The following LRRC28 variants were observed in gnomAD, a reference collection of about 807,000 sequenced individuals.
The protein encoded by LRRC28 is leucine rich repeat containing 28.
In LRRC28, 39 loss-of-function variants were observed where a neutral mutation model predicts 45.7. The ratio of observed to expected loss-of-function variants is 0.85; its 90% CI spans 0.66 to 1.12. LRRC28 has a LOEUF of 1.12. LRRC28 is among the 50% of genes most tolerant of loss of function. LRRC28 has a pLI of 0.00. For synonymous variants in LRRC28, 206 were observed against 178.8 expected (o/e 1.15, Z -1.22); for missense variants, 435 against 438.5 (o/e 0.99, Z 0.07).
Position 99,387,555 on chromosome 15 carries a change from G to A in LRRC28, c.*1453G>A, listed in dbSNP as rs1191304897. The A allele has an allele frequency of 6.6e-6, 1 of 152,182 alleles. No individual in the cohort carries two copies. The highest frequency in any genetic ancestry group is 1.5e-5 in the Non-Finnish European group (1 of 68,040). The allele number at this position is 152,182 out of a possible 1,614,324, so 9.4% of individuals were successfully genotyped here. On this transcript the variant is annotated 3_prime_UTR_variant, in exon 10 of 10. Coordinates refer to ENST00000301981, the MANE Select transcript of LRRC28 (RefSeq NM_144598.5). The stretch of plus-strand genomic sequence containing the variant: ...TTCTGCAAAAGTCCATAAACAGAAA[G>A]TCTGTGAGCCTCCACCCTGCCAGAA...
intron 7 of LRRC28, chr15:99,355,603 A>C (rs1178692825): frequency 1.3e-5 from 2 of 152,212 alleles, no homozygotes; most frequent in East Asian, 1.9e-4. Context: ...AATCTTCTAC[A>C]TTGTAGCCAG....
chr15:99,271,592 T>C (rs1430644372), intron 2 of LRRC28, among the ~76,000 whole-genome samples: 1 of 151,816 alleles, frequency 6.6e-6, no homozygotes, highest in East Asian at 1.9e-4. Flanking sequence ...TTTCTTTTAT[T>C]TATTTATTTA....
intron 9 of LRRC28, among the ~76,000 whole-genome samples, chr15:99,379,410 A>G (rs190369804): frequency 1.4e-3 from 207 of 151,890 alleles, no homozygotes; most frequent in African/African-American, 4.1e-3. Context: ...TTTTTATTGC[A>G]TCTGTTTGAT....
chr15:99,371,723 A>G lies in LRRC28; in HGVS notation c.1031+8458A>G, dbSNP rs1044912956. Among the ~76,000 whole-genome samples the G allele has an allele frequency of 2.0e-5, 3 of 152,132 alleles. No homozygotes were observed. In the South Asian group the frequency reaches 6.2e-4, roughly 31 times the overall value. ...GCACCCTCTTAAGGTGACTTATGAA[A>G]TTTCCCACAAGTGAAATAGTCTTCA... On this transcript the variant is annotated intron_variant, in intron 9 of 9. Coordinates refer to ENST00000301981, the MANE Select transcript of LRRC28 (RefSeq NM_144598.5).
intron 5 of LRRC28, among the ~76,000 whole-genome samples, chr15:99,315,504 T>C (rs1284833578): frequency 1.3e-5 from 2 of 152,210 alleles, no homozygotes; most frequent in African/African-American, 4.8e-5. Flanking sequence ...AGTAGTGCTA[T>C]TGACAGTCCA....
chr15:99,264,271 G>C (rs1052532348), intron 2 of LRRC28, among the ~76,000 whole-genome samples: 7 of 152,172 alleles, frequency 4.6e-5, no homozygotes, highest in African/African-American at 1.4e-4. Flanking sequence ...AGAGGAGGAA[G>C]TGGTCACCTG....
At chr15:99,280,425 G>GT (rs1298366107) in intron 3 of LRRC28, among the ~76,000 whole-genome samples, 2 of 123,786 alleles carry the variant, frequency 1.6e-5, no homozygotes, top group Non-Finnish European at 3.2e-5. Flanking sequence ...AAGTCTTACA[G>GT]TTTTTTATTG....
At chr15:99,332,802 T>C (rs1339292749) in intron 5 of LRRC28, among the ~76,000 whole-genome samples, 2 of 152,124 alleles carry the variant, frequency 1.3e-5, no homozygotes, top group Non-Finnish European at 2.9e-5. Flanking sequence ...AGAGAAGACA[T>C]TGCTAATACT....
At position 99,389,241 on chromosome 15, in the gene LRRC28, C is replaced by T. The variant is rs894151708; in HGVS notation, c.*3139C>T. ...AGCTTGTCCGACTAGTGTAATGTAC[C>T]TCTCACTTCTGTTTTACGTTGAGCA... On this transcript the variant is annotated 3_prime_UTR_variant, in exon 10 of 10. Coordinates refer to ENST00000301981, the MANE Select transcript of LRRC28 (RefSeq NM_144598.5). 6.6e-6 allele frequency: 1 copy of T among 152,144 alleles called. No homozygotes were observed. The highest frequency in any genetic ancestry group is 1.5e-5 in the Non-Finnish European group (1 of 68,026). 9.4% of individuals were successfully genotyped at this position (152,144 alleles called of 1,614,324 possible).
At chr15:99,263,318 C>CAAAA (rs34133374) in intron 2 of LRRC28, among the ~76,000 whole-genome samples, 3 of 70,522 alleles carry the variant, frequency 4.3e-5, no homozygotes, top group Non-Finnish European at 5.9e-5. Context: ...GACCCTGTCT[C>CAAAA]AAAAAAAAAA....
rs1410253997 is a variant in LRRC28, at chr15:99,389,610, C to T, written c.*3508C>T. The T allele has an allele frequency of 6.6e-6, 1 of 152,190 alleles. No homozygotes were observed. The highest frequency in any genetic ancestry group is 6.5e-5 in the Admixed American group (1 of 15,286). 9.4% of individuals were successfully genotyped at this position (152,190 alleles called of 1,614,324 possible). A position where few individuals can be genotyped will look rare whatever the true frequency, so the allele number is the denominator to read the frequency against. On this transcript the variant is annotated 3_prime_UTR_variant, in exon 10 of 10. Coordinates refer to ENST00000301981, the MANE Select transcript of LRRC28 (RefSeq NM_144598.5). Reference sequence around the variant, plus strand: ...GAGATGTAAATTCATTTCACAGACTCATAAACACACTCTCTTTAAGACTCT... The same window carrying T: ...GAGATGTAAATTCATTTCACAGACTTATAAACACACTCTCTTTAAGACTCT...
chr15:99,307,207 CTG>C (rs1955217384), intron 5 of LRRC28, among the ~76,000 whole-genome samples: 1 of 152,134 alleles, frequency 6.6e-6, no homozygotes, highest in Non-Finnish European at 1.5e-5. Flanking sequence ...ACTTGGGACA[CTG>C]TGGGTTGGGT....
intron 5 of LRRC28, among the ~76,000 whole-genome samples, chr15:99,316,920 C>T (rs147924160): frequency 6.6e-6 from 1 of 151,870 alleles, no homozygotes; most frequent in Non-Finnish European, 1.5e-5. Context: ...TCACTGCAGC[C>T]TCAAAATCTT....
chr15:99,317,932 A>G (rs1955654977), intron 5 of LRRC28, among the ~76,000 whole-genome samples: 1 of 152,180 alleles, frequency 6.6e-6, no homozygotes, highest in Non-Finnish European at 1.5e-5. Context: ...GCAGTGCACA[A>G]CAAAAGATTG....
chr15:99,379,745 T>G (rs937098451), intron 9 of LRRC28, among the ~76,000 whole-genome samples: 49 of 152,352 alleles, frequency 3.2e-4, no homozygotes, highest in Middle Eastern at 3.4e-3. Flanking sequence ...GTTGTGTCTT[T>G]GTTCCCATTG....
At chr15:99,352,507 AT>A (rs1956916947) in intron 7 of LRRC28, 36 bp downstream of exon 7, 1 of 1,512,250 alleles carries the variant, frequency 6.6e-7, no homozygotes, top group Non-Finnish European at 9.2e-7. Flanking sequence ...TAAAAAATAG[AT>A]TAACTACTTT....
At chr15:99,331,682 A>T (rs980697908) in intron 5 of LRRC28, among the ~76,000 whole-genome samples, 7 of 151,458 alleles carry the variant, frequency 4.6e-5, no homozygotes, top group Non-Finnish European at 7.4e-5. Context: ...GTCTCCACCA[A>T]GCTCTCTCTC....
intron 5 of LRRC28, among the ~76,000 whole-genome samples, chr15:99,312,738 C>G (rs1403521977): frequency 6.6e-6 from 1 of 152,102 alleles, no homozygotes; most frequent in Non-Finnish European, 1.5e-5. Context: ...GGCTACAACT[C>G]TCAGTAGGTG....
At chr15:99,358,076 A>C (rs1311029979) in intron 7 of LRRC28, among the ~76,000 whole-genome samples, 1 of 152,218 alleles carries the variant, frequency 6.6e-6, no homozygotes, top group African/African-American at 2.4e-5. Flanking sequence ...TACCAAAAAA[A>C]ATCTTTCAGA....
Sources: allele counts gnomAD v4.1 joint callset (sites outside exome capture counted in the v4.1 genomes callset), GRCh38; gene constraint gnomAD v4.1.1; transcripts MANE v1.5; gene names NCBI Gene and HGNC (gene_info 2026-07-23, HGNC 2026-07-21).